Variants in PTN observed in about 807,000 individuals in gnomAD.
PTN encodes the protein pleiotrophin, also known as heparin affin regulatory protein.
In PTN, 18 loss-of-function variants were observed where a neutral mutation model predicts 24.1. That is an observed-to-expected ratio of 0.75 (90% CI 0.52 to 1.11). The LOEUF (loss-of-function observed/expected upper bound fraction) is 1.11. PTN is among the 50% of genes least tolerant of loss of function. PTN has a pLI of 0.00. For synonymous variants in PTN, 78 were observed against 68.6 expected (o/e 1.14, Z -0.67); for missense variants, 163 against 198.8 (o/e 0.82, Z 1.08).
At chr7:137,289,356 T>G (rs1404678261) in intron 1 of PTN, among the ~76,000 whole-genome samples, 1 of 152,148 alleles carries the variant, frequency 6.6e-6, no homozygotes, top group African/African-American at 2.4e-5. Context: ...GGAAGAGAAC[T>G]TTGGCTTTCA....
chr7:137,260,628 T>TA (rs1809018719), intron 1 of PTN, among the ~76,000 whole-genome samples: 1 of 152,164 alleles, frequency 6.6e-6, no homozygotes, highest in African/African-American at 2.4e-5. Context: ...CCAGGCCATT[T>TA]AATCATTAGT....
intron 1 of PTN, among the ~76,000 whole-genome samples, chr7:137,331,615 C>T (rs1810361142): frequency 1.3e-5 from 2 of 152,316 alleles, no homozygotes; most frequent in South Asian, 4.1e-4. Flanking sequence ...GAGCGACACG[C>T]ATCAAAGAGG....
intron 1 of PTN, among the ~76,000 whole-genome samples, chr7:137,305,014 C>T (rs532327573): frequency 6.6e-6 from 1 of 152,146 alleles, no homozygotes; most frequent in African/African-American, 2.4e-5. Context: ...CTGAGCAATT[C>T]GAGGTGCTCA....
At chr7:137,319,473 C>T (rs1810127629) in intron 1 of PTN, among the ~76,000 whole-genome samples, 1 of 152,182 alleles carries the variant, frequency 6.6e-6, no homozygotes. Context: ...AATCAAGGCA[C>T]TCCAAGGGGC....
intron 4 of PTN, among the ~76,000 whole-genome samples, chr7:137,232,842 T>G (rs1172601796): frequency 6.6e-6 from 1 of 151,726 alleles, no homozygotes; most frequent in Non-Finnish European, 1.5e-5. Flanking sequence ...CTTATGAGAG[T>G]TGATGGTTTT....
chr7:137,324,540 A>C (rs995828328), intron 1 of PTN, among the ~76,000 whole-genome samples: 2 of 151,186 alleles, frequency 1.3e-5, no homozygotes, highest in African/African-American at 4.9e-5. Flanking sequence ...TGAGATTCTA[A>C]AGAACAGGTA....
intron 1 of PTN, among the ~76,000 whole-genome samples, chr7:137,274,549 TC>T (rs1348023429): frequency 6.6e-6 from 1 of 151,962 alleles, no homozygotes; most frequent in African/African-American, 2.4e-5. Flanking sequence ...TGTGTGATGT[TC>T]CCCTCCCTGT....
At chr7:137,287,575 C>T (rs745528562) in intron 1 of PTN, 2 of 151,876 alleles carry the variant, frequency 1.3e-5, no homozygotes, top group Non-Finnish European at 2.9e-5. Context: ...ATAAAATATA[C>T]TATATGACCC....
intron 4 of PTN, among the ~76,000 whole-genome samples, chr7:137,239,648 G>A (rs948171737): frequency 6.6e-6 from 1 of 151,956 alleles, no homozygotes; most frequent in Non-Finnish European, 1.5e-5. Flanking sequence ...AGAATATGCG[G>A]TGTTTGGTTT....
intron 4 of PTN, among the ~76,000 whole-genome samples, chr7:137,236,778 G>T (rs958008072): frequency 6.6e-6 from 1 of 152,024 alleles, no homozygotes; most frequent in African/African-American, 2.4e-5. Flanking sequence ...ATAAACTATT[G>T]TAAATTAGAA....
At chr7:137,232,564 A>G (rs771836830) in intron 4 of PTN, among the ~76,000 whole-genome samples, 2 of 151,986 alleles carry the variant, frequency 1.3e-5, no homozygotes, top group Non-Finnish European at 2.9e-5. Flanking sequence ...GGCTTCTTAC[A>G]TTGCTATGAA....
At chr7:137,246,400 G>A (rs890438994) in intron 4 of PTN, among the ~76,000 whole-genome samples, 4 of 152,132 alleles carry the variant, frequency 2.6e-5, no homozygotes, top group Admixed American at 6.6e-5. Flanking sequence ...ATGTTCACAC[G>A]AGAATGAAAT....
chr7:137,234,309 C>T (rs1394771467), intron 4 of PTN, among the ~76,000 whole-genome samples: 1 of 151,894 alleles, frequency 6.6e-6, no homozygotes, highest in South Asian at 2.1e-4. Context: ...CACAAATCAT[C>T]GAATGCTTAA....
intron 1 of PTN, among the ~76,000 whole-genome samples, chr7:137,292,088 A>G (rs1465242785): frequency 1.3e-5 from 2 of 152,186 alleles, no homozygotes; most frequent in Non-Finnish European, 2.9e-5. Context: ...AAAAATGCAC[A>G]TGAATTTTGC....
At chr7:137,319,489 G>A (rs941763438) in intron 1 of PTN, among the ~76,000 whole-genome samples, 6 of 152,200 alleles carry the variant, frequency 3.9e-5, no homozygotes, top group Admixed American at 3.9e-4. Context: ...GGGGCTGAAA[G>A]CGAACATCTC....
chr7:137,299,638 T>G (rs76629505), intron 1 of PTN, among the ~76,000 whole-genome samples: 1 of 151,944 alleles, frequency 6.6e-6, no homozygotes, highest in African/African-American at 2.4e-5. Context: ...TGCTCTGGTA[T>G]GAAAGACACA....
chr7:137,334,952 C>G (rs1289814604), intron 1 of PTN, among the ~76,000 whole-genome samples: 2 of 146,630 alleles, frequency 1.4e-5, no homozygotes, highest in Non-Finnish European at 3.0e-5. Context: ...GACAAAAAAC[C>G]AAACACTACA....
chr7:137,296,722 T>C (rs1167959909), intron 1 of PTN, among the ~76,000 whole-genome samples: 1 of 152,084 alleles, frequency 6.6e-6, no homozygotes, highest in Non-Finnish European at 1.5e-5. Context: ...CTCTGTACAA[T>C]TTCTGGCTTA....
At chr7:137,245,545 T>A (rs2128869923) in intron 4 of PTN, among the ~76,000 whole-genome samples, 1 of 152,372 alleles carries the variant, frequency 6.6e-6, no homozygotes, top group Middle Eastern at 3.4e-3. Context: ...GCTATGTTAC[T>A]GGTTTATGTA....
Sources: gnomAD v4.1 joint callset for allele counts (sites outside exome capture counted in the v4.1 genomes callset) on GRCh38, gnomAD v4.1.1 for gene constraint, MANE v1.5 for transcripts, NCBI Gene and HGNC (gene_info 2026-07-23, HGNC 2026-07-21) for gene names.